Variants in ZNF804B observed in about 807,000 individuals in gnomAD.
ZNF804B encodes zinc finger 804B.
A neutral mutation model predicts 101.4 loss-of-function variants in ZNF804B; 80 were observed. The ratio of observed to expected loss-of-function variants is 0.79; its 90% CI spans 0.66 to 0.95. The LOEUF (loss-of-function observed/expected upper bound fraction) is 0.95, where lower values mean the gene tolerates loss of function less well. Ranked by LOEUF, ZNF804B falls within the 40% of genes least tolerant of loss-of-function variation. The pLI is 0.00. For missense variants in ZNF804B, 1,673 were observed against 1,561.9 expected (o/e 1.07, Z -1.20); for synonymous variants, 622 against 558.8 (o/e 1.11, Z -1.59).
chr7:88,887,978 A>G (rs1035735952), intron 1 of ZNF804B, among the ~76,000 whole-genome samples: 23 of 152,200 alleles, frequency 1.5e-4, no homozygotes, highest in East Asian at 7.7e-4. Flanking sequence ...TTTCAGTGCT[A>G]GTAATACATA....
chr7:89,089,024 G>C (rs1789845821), intron 1 of ZNF804B, among the ~76,000 whole-genome samples: 1 of 148,348 alleles, frequency 6.7e-6, no homozygotes, highest in Non-Finnish European at 1.5e-5. Context: ...TGGGTAAGGT[G>C]TTATCACATA....
intron 1 of ZNF804B, among the ~76,000 whole-genome samples, chr7:88,977,966 C>G (rs943753283): frequency 2.6e-5 from 4 of 151,338 alleles, no homozygotes; most frequent in African/African-American, 9.7e-5. Context: ...TTAAAACTTT[C>G]TTTTTAATTT....
Position 88,873,256 on chromosome 7 carries a change from G to A in ZNF804B, c.108+113172G>A, listed in dbSNP as rs565106327. Reference sequence around the variant, plus strand: ...CATTTTTTCATGTGTTTTTTGGCTGGATAAATGTCTTATTTTGAGAAGTGT... The same window carrying A: ...CATTTTTTCATGTGTTTTTTGGCTGAATAAATGTCTTATTTTGAGAAGTGT... On this transcript the variant is annotated intron_variant, in intron 1 of 3. Coordinates refer to ENST00000333190, the MANE Select transcript of ZNF804B (RefSeq NM_181646.5). 1.3e-3 allele frequency among the ~76,000 whole-genome samples: 192 copies of A among 152,188 alleles called. 1 individual carries two copies. Among genetic ancestry groups the A allele is most frequent in the Non-Finnish European group, 2.1e-3 (143 of 67,994 alleles).
chr7:89,299,784 G>A (rs1056548661), intron 2 of ZNF804B, among the ~76,000 whole-genome samples: 16 of 151,930 alleles, frequency 1.1e-4, no homozygotes, highest in East Asian at 1.9e-4. Flanking sequence ...CTCTTAAAAT[G>A]TATCAGTTTA....
At chr7:88,978,779 C>T (rs1387086981) in intron 1 of ZNF804B, among the ~76,000 whole-genome samples, 1 of 147,736 alleles carries the variant, frequency 6.8e-6, no homozygotes, top group Non-Finnish European at 1.5e-5. Flanking sequence ...TCATTCTCTC[C>T]CTTCCTCCCT....
At chr7:88,948,884 A>G (rs1793177322) in intron 1 of ZNF804B, among the ~76,000 whole-genome samples, 1 of 151,954 alleles carries the variant, frequency 6.6e-6, no homozygotes, top group Admixed American at 6.6e-5. Context: ...ATATTTTTCT[A>G]GTCCGCGATC....
At chr7:89,171,357 TCC>T (rs1791229483) in intron 1 of ZNF804B, among the ~76,000 whole-genome samples, 2 of 98,876 alleles carry the variant, frequency 2.0e-5, no homozygotes, top group African/African-American at 7.2e-5. Flanking sequence ...TTCTTCTTCT[TCC>T]TCCTCTTCCT....
intron 1 of ZNF804B, among the ~76,000 whole-genome samples, chr7:88,984,034 A>C (rs902350296): frequency 1.3e-5 from 2 of 152,110 alleles, no homozygotes; most frequent in Non-Finnish European, 2.9e-5. Context: ...CATTTCTCCA[A>C]ATGAGAAACC....
chr7:89,304,035 G>C (rs1790523216), intron 2 of ZNF804B, among the ~76,000 whole-genome samples: 1 of 151,800 alleles, frequency 6.6e-6, no homozygotes, highest in Admixed American at 6.6e-5. Context: ...ACCTTGACTT[G>C]ACCTCCCTTT....
intron 1 of ZNF804B, among the ~76,000 whole-genome samples, chr7:89,018,172 T>C (rs1213233946): frequency 6.6e-6 from 1 of 152,150 alleles, no homozygotes; most frequent in African/African-American, 2.4e-5. Context: ...TGAACTTTAT[T>C]GTTTTGAGGT....
At chr7:89,085,504 C>T (rs933399829) in intron 1 of ZNF804B, among the ~76,000 whole-genome samples, 6 of 151,774 alleles carry the variant, frequency 4.0e-5, no homozygotes, top group African/African-American at 1.5e-4. Flanking sequence ...GTTCACTCTG[C>T]AAGAGTGAGT....
rs974856167 is a variant in ZNF804B at position 88,972,413 on chromosome 7, A to C, written c.108+212329A>C. 4.6e-5 allele frequency among the ~76,000 whole-genome samples: 7 copies of C among 151,394 alleles called. No homozygotes were observed. In the Admixed American group the frequency reaches 4.6e-4, roughly 10 times the overall value. ...TTTATATGTCAGACTGTCTTCCTAA[A>C]TGGCCAGCTTTCCAAGGTTAGGAAG... On this transcript the variant is annotated intron_variant, in intron 1 of 3. Transcript: ENST00000333190.
intron 2 of ZNF804B, among the ~76,000 whole-genome samples, chr7:89,304,155 C>T (rs1790525194): frequency 6.6e-6 from 1 of 151,848 alleles, no homozygotes; most frequent in Admixed American, 6.6e-5. Context: ...TGGGAGTCAT[C>T]CCTTTGAAAT....
chr7:89,097,806 T>G (rs1222956743), intron 1 of ZNF804B, among the ~76,000 whole-genome samples: 1 of 152,172 alleles, frequency 6.6e-6, no homozygotes, highest in Non-Finnish European at 1.5e-5. Context: ...AGATGCAAAC[T>G]CTGATTTATT....
intron 2 of ZNF804B, among the ~76,000 whole-genome samples, chr7:89,236,884 G>GTTTAAATTTATTTTTCAGATT (rs1789290446): frequency 6.6e-6 from 1 of 151,932 alleles, no homozygotes; most frequent in Non-Finnish European, 1.5e-5. Context: ...TAATTTTAAA[G>GTTTAAATTTATTTTTCAGATT]TTTAAATTTA....
intron 1 of ZNF804B, among the ~76,000 whole-genome samples, chr7:89,037,568 T>G (rs556351534): frequency 2.2e-4 from 31 of 141,616 alleles, no homozygotes; most frequent in East Asian, 2.1e-3. Context: ...AATGCATGGA[T>G]ATATATATAT....
chr7:88,859,323 A>T (rs1791615500), intron 1 of ZNF804B, among the ~76,000 whole-genome samples: 2 of 152,176 alleles, frequency 1.3e-5, no homozygotes, highest in South Asian at 4.1e-4. Flanking sequence ...TTAGCAGAAA[A>T]ATTGGATTAG....
intron 2 of ZNF804B, among the ~76,000 whole-genome samples, chr7:89,290,685 G>A (rs369788441): frequency 6.6e-6 from 1 of 152,116 alleles, no homozygotes; most frequent in African/African-American, 2.4e-5. Context: ...GTGTCTTGTG[G>A]TTTGAGTGCC....
intron 1 of ZNF804B, among the ~76,000 whole-genome samples, chr7:88,852,159 G>A (rs1022752049): frequency 2.0e-5 from 3 of 152,084 alleles, no homozygotes; most frequent in African/African-American, 7.2e-5. Flanking sequence ...GGTTGTACTT[G>A]CAGACAGGGC....
Sources: allele counts gnomAD v4.1 joint callset (sites outside exome capture counted in the v4.1 genomes callset), GRCh38; gene constraint gnomAD v4.1.1; transcripts MANE v1.5; gene names NCBI Gene and HGNC (gene_info 2026-07-23, HGNC 2026-07-21).